PPFIBP2: variants seen among roughly 807,000 people sequenced by gnomAD.
PPFIBP2 encodes liprin-beta-2.
In PPFIBP2, 118 loss-of-function variants were observed where a neutral mutation model predicts 118.3. That is an observed-to-expected ratio of 1.00 (90% confidence interval 0.86 to 1.16). The LOEUF (loss-of-function observed/expected upper bound fraction) is 1.16, where lower values mean the gene tolerates loss of function less well. PPFIBP2 is among the 50% of genes most tolerant of loss of function. PPFIBP2 has a pLI of 0.00. For synonymous variants in PPFIBP2, 414 were observed against 397.4 expected, an observed-to-expected ratio of 1.04 and a Z score of -0.50; for missense variants, 1,195 against 1,073.1, an observed-to-expected ratio of 1.11 and a Z score of -1.59.
chr11:7,606,060 A>T, intron 5 of PPFIBP2: 1 of 1,520,862 alleles, frequency 6.6e-7, no homozygotes, highest in Non-Finnish European at 8.8e-7. Context: ...TGAAGGAAGT[A>T]GGTTGGTTCC....
intron 1 of PPFIBP2, among the ~76,000 whole-genome samples, chr11:7,516,151 A>G (rs1391316686): frequency 6.6e-6 from 1 of 152,224 alleles, no homozygotes; most frequent in Non-Finnish European, 1.5e-5. Flanking sequence ...TTCTGTTGAC[A>G]AACCCGAAGG....
chr11:7,594,141 C>G (rs1217913714), intron 4 of PPFIBP2, among the ~76,000 whole-genome samples: 1 of 151,456 alleles, frequency 6.6e-6, no homozygotes, highest in African/African-American at 2.5e-5. Context: ...TTTGTTTTTT[C>G]TCTTTTTACC....
At chr11:7,538,036 AGAG>A (rs914923360) in intron 1 of PPFIBP2, among the ~76,000 whole-genome samples, 53 of 152,342 alleles carry the variant, frequency 3.5e-4, no homozygotes, top group African/African-American at 1.3e-3. Flanking sequence ...GAGAAGAGTC[AGAG>A]GAGGGTGAAG....
chr11:7,662,602 T>C, the PPFIBP2 span, among the ~76,000 whole-genome samples: 2 of 149,478 alleles, frequency 1.3e-5, no homozygotes, highest in Admixed American at 1.3e-4. Context: ...GTTTCAACTT[T>C]GGTGAATCTG....
At chr11:7,651,333 A>G (rs1050731606) in intron 22 of PPFIBP2, 2 of 358,718 alleles carry the variant, frequency 5.6e-6, no homozygotes, top group African/African-American at 4.1e-5. Flanking sequence ...CAGATCTGTC[A>G]GTGGCAAAGC....
chr11:7,608,574 A>G (rs1441384687), intron 5 of PPFIBP2, among the ~76,000 whole-genome samples: 1 of 152,184 alleles, frequency 6.6e-6, no homozygotes, highest in East Asian at 1.9e-4. Flanking sequence ...TGGGAGGTGG[A>G]GGTTGTGGTG....
chr11:7,523,014 C>T (rs557721357), intron 1 of PPFIBP2, among the ~76,000 whole-genome samples: 3 of 152,130 alleles, frequency 2.0e-5, no homozygotes, highest in South Asian at 2.1e-4. Context: ...GATGGGGGTA[C>T]AGGGAACAGC....
chr11:7,642,160 A>T, intron 16 of PPFIBP2, 138 bp from the exon 17 acceptor site: 1 of 1,000,782 alleles, frequency 1.0e-6, no homozygotes, highest in South Asian at 1.7e-5. Context: ...GTGATCCTTG[A>T]TCTCTGGGAA....
intron 1 of PPFIBP2, among the ~76,000 whole-genome samples, chr11:7,543,883 C>T (rs1326727153): frequency 3.3e-5 from 5 of 152,208 alleles, no homozygotes; most frequent in Admixed American, 2.6e-4. Flanking sequence ...GCTCCCTAAT[C>T]AACTTCCAGG....
rs956528862 is a variant in PPFIBP2, at chr11:7,651,643, G to T, written c.2248-13G>T. 2 of 1,590,834 alleles carry T rather than the reference G, an allele frequency of 1.3e-6. No individual in the cohort carries two copies. Among genetic ancestry groups the T allele is most frequent in the Non-Finnish European group, 1.7e-6 (2 of 1,163,106 alleles). ...TTTGCTCCTGGCCAGGCTTGTCTCT[G>T]GTTCCTTCTTAGATCCTGGAGCCAC... is the stretch of plus-strand genomic sequence containing the variant. On this transcript the variant is annotated splice_polypyrimidine_tract_variant and intron_variant, in intron 22 of 23. Transcript: ENST00000299492.
intron 18 of PPFIBP2, 81 bp downstream of exon 18, chr11:7,648,618 C>T: frequency 6.4e-7 from 1 of 1,556,990 alleles, no homozygotes; most frequent in Non-Finnish European, 8.8e-7. Flanking sequence ...TCCTGTCACA[C>T]ATACACACAG....
intron 3 of PPFIBP2, among the ~76,000 whole-genome samples, chr11:7,586,793 GT>G (rs1858291075): frequency 6.6e-6 from 1 of 152,184 alleles, no homozygotes; most frequent in Non-Finnish European, 1.5e-5. Flanking sequence ...CTGACTTGAA[GT>G]TCAGCTGGGC....
At chr11:7,535,324 G>A (rs954540699) in intron 1 of PPFIBP2, among the ~76,000 whole-genome samples, 1 of 152,218 alleles carries the variant, frequency 6.6e-6, no homozygotes, top group Admixed American at 6.5e-5. Context: ...CTTTAGTTGA[G>A]GAAACAGCAT....
intron 2 of PPFIBP2, among the ~76,000 whole-genome samples, chr11:7,562,403 AGAGT>A (rs990094702): frequency 6.6e-6 from 1 of 152,228 alleles, no homozygotes; most frequent in African/African-American, 2.4e-5. Flanking sequence ...GCCTTCCCCC[AGAGT>A]GAGTGGCCTG....
chr11:7,543,332 T>C (rs1317097801), intron 1 of PPFIBP2, among the ~76,000 whole-genome samples: 1 of 152,232 alleles, frequency 6.6e-6, no homozygotes, highest in Non-Finnish European at 1.5e-5. Flanking sequence ...TGTAATATAG[T>C]GACACTTCTT....
At chr11:7,551,214 C>T (rs1469838329) in intron 2 of PPFIBP2, among the ~76,000 whole-genome samples, 4 of 152,196 alleles carry the variant, frequency 2.6e-5, no homozygotes, top group Middle Eastern at 3.4e-3. Context: ...CGGGGTCTCA[C>T]GTGCATTGGG....
chr11:7,553,380 C>G (rs1289960069), intron 2 of PPFIBP2, among the ~76,000 whole-genome samples: 1 of 152,128 alleles, frequency 6.6e-6, no homozygotes. Context: ...CTATGCTATT[C>G]TTGATAAAAA....
At chr11:7,604,946 A>C (rs77382741) in intron 5 of PPFIBP2, among the ~76,000 whole-genome samples, 2,376 of 152,330 alleles carry the variant, frequency 0.016, 64 homozygotes, top group African/African-American at 0.055. Flanking sequence ...CTGGTTGACC[A>C]GGAAGTTACC....
intron 16 of PPFIBP2, chr11:7,642,053 G>C (rs552380690): frequency 4.2e-6 from 2 of 471,898 alleles, no homozygotes; most frequent in Admixed American, 3.7e-5. Context: ...CTCCTACAAG[G>C]CATCAAACTT....
Sources: gnomAD v4.1 joint callset for allele counts (sites outside exome capture counted in the v4.1 genomes callset) on GRCh38, gnomAD v4.1.1 for gene constraint, MANE v1.5 for transcripts, NCBI Gene and HGNC (gene_info 2026-07-23, HGNC 2026-07-21) for gene names.